The following LRP1B variants were observed in gnomAD, a reference collection of about 807,000 sequenced individuals.
The protein encoded by LRP1B is low-density lipoprotein receptor-related protein 1B.
A neutral mutation model predicts 556.6 loss-of-function variants in LRP1B; 217 were observed. The ratio of observed to expected loss-of-function variants is 0.39; its 90% CI spans 0.35 to 0.44. LRP1B has a LOEUF of 0.44. LRP1B is among the 20% of genes least tolerant of loss of function. LRP1B has a pLI of 1.00. For synonymous variants in LRP1B, 2,047 were observed against 1,865.8 expected, an observed-to-expected ratio of 1.10 and a Z score of -2.50; for missense variants, 5,053 against 5,620.8, an observed-to-expected ratio of 0.90 and a Z score of 3.23.
chr2:140,978,517 T>A (rs1414347836), intron 18 of LRP1B, among the ~76,000 whole-genome samples: 2 of 152,174 alleles, frequency 1.3e-5, no homozygotes, highest in African/African-American at 4.8e-5. Context: ...CAGTATGAAT[T>A]TTGTAATAAA....
At chr2:140,891,071 T>C (rs1021782055) in intron 23 of LRP1B, among the ~76,000 whole-genome samples, 11 of 152,102 alleles carry the variant, frequency 7.2e-5, no homozygotes, top group African/African-American at 2.7e-4. Context: ...ATCCTCTTAA[T>C]AGAGAAGTGG....
chr2:141,215,966 C>A (rs1364327373), intron 6 of LRP1B, among the ~76,000 whole-genome samples: 2 of 152,162 alleles, frequency 1.3e-5, no homozygotes, highest in South Asian at 4.1e-4. Context: ...CAAATACTTG[C>A]TACAGAAATT....
At chr2:141,962,192 T>C (rs1157120007) in intron 1 of LRP1B, among the ~76,000 whole-genome samples, 1 of 151,792 alleles carries the variant, frequency 6.6e-6, no homozygotes, top group Non-Finnish European at 1.5e-5. Context: ...TAGTTCACTC[T>C]GAAGTAACAA....
Position 141,015,900 on chromosome 2 carries a change from T to G in LRP1B, c.1986A>C (p.Thr662=). 1 of 1,613,230 alleles carries G rather than the reference T, an allele frequency of 6.2e-7. No individual in the cohort carries two copies. Among genetic ancestry groups the G allele is most frequent in the Non-Finnish European group, 8.5e-7 (1 of 1,179,464 alleles). ...CATCTATTTCATCTTCCTCCCAGTC[T>G]GTCCAATACATCCAACTAAGACATT... The part of the protein sequence containing the change: ...VDPVNGWMYW[T]DWEEDEIDDS... The change falls in exon 13 of 91, where the codon ACA becomes ACC. Residue 662 remains threonine, a synonymous_variant. Transcript: ENST00000389484.
At chr2:141,356,586 G>A (rs1375871870) in intron 3 of LRP1B, among the ~76,000 whole-genome samples, 2 of 151,664 alleles carry the variant, frequency 1.3e-5, no homozygotes, top group African/African-American at 4.8e-5. Context: ...GAGGTAACAT[G>A]TATGTTTTTA....
rs201803051 is a variant in LRP1B at position 141,188,561 on chromosome 2, G to A, written c.873C>T (p.Asp291=). 1.1e-4 allele frequency: 184 copies of A among 1,612,298 alleles called. No homozygotes were observed. In the East Asian group the frequency reaches 4.0e-3, roughly 35 times the overall value. The part of the protein sequence containing the change: ...SFHNVQQMAI[D]WLTRNLYFVD... Reference sequence around the variant, plus strand: ...CAAAATAGAGATTTCGAGTGAGCCAGTCAATCGCCATTTGTTGCACATCTG... The same window carrying A: ...CAAAATAGAGATTTCGAGTGAGCCAATCAATCGCCATTTGTTGCACATCTG... Residue 291 remains aspartate, a synonymous_variant, in exon 7 of 91, where the codon GAC becomes GAT. Transcript: ENST00000389484.
At chr2:141,111,963 G>A (rs548645592) in intron 7 of LRP1B, among the ~76,000 whole-genome samples, 18 of 151,838 alleles carry the variant, frequency 1.2e-4, no homozygotes, top group South Asian at 4.1e-4. Flanking sequence ...GGAGAATGGC[G>A]TGAACTCGGG....
rs1696240504 is a variant in LRP1B, at chr2:140,966,885, C to A, written c.2888-14945G>T. Among the ~76,000 whole-genome samples the A allele has an allele frequency of 2.6e-5, 4 of 152,038 alleles. No homozygotes were observed. The South Asian group carries it at 8.3e-4, about 32-fold the overall frequency. ...TGGTATTATTTCTGAGGGCTTTGTT[C>A]TGTTCCATTGGTCTGTATCTCTGTT... On this transcript the variant is annotated intron_variant, in intron 18 of 90. Coordinates refer to ENST00000389484, the MANE Select transcript of LRP1B (RefSeq NM_018557.3).
chr2:140,629,282 G>A (rs12621759), intron 41 of LRP1B, among the ~76,000 whole-genome samples: 59,628 of 149,608 alleles, frequency 0.4, 13,260 homozygotes, highest in Non-Finnish European at 0.5. Context: ...TGACTAGGCT[G>A]GTCTCAAACT....
At chr2:141,226,060 T>C (rs1349118605) in intron 6 of LRP1B, among the ~76,000 whole-genome samples, 2 of 152,110 alleles carry the variant, frequency 1.3e-5, no homozygotes, top group East Asian at 1.9e-4. Context: ...CTGACCCAAA[T>C]GCAAACCTAC....
At chr2:141,958,261 G>T (rs1382894604) in intron 1 of LRP1B, among the ~76,000 whole-genome samples, 1 of 151,960 alleles carries the variant, frequency 6.6e-6, no homozygotes, top group African/African-American at 2.4e-5. Context: ...ATTAGAAGAG[G>T]CAGCTGGGTG....
At chr2:141,439,225 G>A (rs193008518) in intron 3 of LRP1B, among the ~76,000 whole-genome samples, 204 of 152,068 alleles carry the variant, frequency 1.3e-3, no homozygotes, top group Non-Finnish European at 1.5e-3. Flanking sequence ...TGTACTACAC[G>A]GGAACATATT....
rs2105116595 is a variant in LRP1B at position 140,350,992 on chromosome 2, C to A, written c.11697G>T (p.Leu3899=). The part of the protein sequence containing the change: ...VLYIANDTDI[L]GFIYPFNYSG... ...TGTAGTTGAATGGATATATAAAACCCAGGATATCAGTGTCATTAGCAATGT... is the reference window on the plus strand; with the variant it reads ...TGTAGTTGAATGGATATATAAAACCAAGGATATCAGTGTCATTAGCAATGT... Residue 3899 remains leucine, a synonymous_variant, in exon 77 of 91, where the codon CTG becomes CTT. Transcript: ENST00000389484. 1 of 1,602,284 alleles carries A rather than the reference C, an allele frequency of 6.2e-7. No individual in the cohort carries two copies. Among genetic ancestry groups the A allele is most frequent in the Non-Finnish European group, 8.5e-7 (1 of 1,170,460 alleles).
At chr2:140,500,089 AC>A (rs1689114417) in intron 55 of LRP1B, among the ~76,000 whole-genome samples, 1 of 151,956 alleles carries the variant, frequency 6.6e-6, no homozygotes, top group African/African-American at 2.4e-5. Flanking sequence ...GTACTGGCTC[AC>A]TTGCTTTCTT....
At chr2:140,740,364 TG>T in intron 35 of LRP1B, among the ~76,000 whole-genome samples, 1 of 152,156 alleles carries the variant, frequency 6.6e-6, no homozygotes, top group Non-Finnish European at 1.5e-5. Context: ...GCATTCACAG[TG>T]ACCTGGATGA....
chr2:140,322,119 G>A (rs368206056), intron 81 of LRP1B, 31 bp from the exon 82 acceptor site: 1 of 1,597,888 alleles, frequency 6.3e-7, no homozygotes, highest in Non-Finnish European at 8.5e-7. Context: ...AAAGAAGTGT[G>A]TAAATATAGA....
intron 1 of LRP1B, among the ~76,000 whole-genome samples, chr2:142,022,666 TTTTA>T (rs1006294991): frequency 6.6e-6 from 1 of 151,860 alleles, no homozygotes; most frequent in Admixed American, 6.5e-5. Context: ...TTTTATTTTA[TTTTA>T]TTTATTTATT....
chr2:140,784,423 A>ACACACACACACACACAC (rs1559117345), intron 32 of LRP1B, among the ~76,000 whole-genome samples: 1 of 76,078 alleles, frequency 1.3e-5, no homozygotes, highest in Admixed American at 1.3e-4. Flanking sequence ...CACACACACA[A>ACACACACACACACACAC]AAGGCTCAGT....
intron 60 of LRP1B, among the ~76,000 whole-genome samples, chr2:140,464,111 G>A (rs1305739907): frequency 2.6e-5 from 4 of 152,060 alleles, no homozygotes; most frequent in South Asian, 2.1e-4. Context: ...CAGAAGAATC[G>A]CTTGAATCCG....
Sources: allele counts gnomAD v4.1 joint callset (sites outside exome capture counted in the v4.1 genomes callset), GRCh38; gene constraint gnomAD v4.1.1; transcripts MANE v1.5; gene names NCBI Gene and HGNC (gene_info 2026-07-23, HGNC 2026-07-21).